Variants in RFX2 observed in about 807,000 individuals in gnomAD.
RFX2 encodes the protein regulatory factor X2.
RFX2 carries 20 observed loss-of-function variants against 87.8 expected under a neutral mutation model. The observed-to-expected ratio is 0.23, with a 90% CI of 0.16 to 0.33. RFX2 has a LOEUF of 0.33. Ranked by LOEUF, RFX2 falls within the 10% of genes least tolerant of loss-of-function variation. The pLI is 1.00. For synonymous variants in RFX2, 397 were observed against 431.3 expected, an observed-to-expected ratio of 0.92 and a Z score of 0.98; for missense variants, 767 against 1,012.3, an observed-to-expected ratio of 0.76 and a Z score of 3.29.
intron 1 of RFX2, among the ~76,000 whole-genome samples, chr19:6,092,983 C>T (rs2087962440): frequency 2.6e-5 from 4 of 151,908 alleles, no homozygotes; most frequent in South Asian, 2.1e-4. Flanking sequence ...GTCGGGGAGG[C>T]GAGGAGGTGG....
chr19:6,024,606 C>T lies in RFX2; in HGVS notation c.597+1557G>A, dbSNP rs2086861009. ...CCACACCTGTACCTAACCCATAACC[C>T]AGGTTTCTGGACCTGTCCTACATCA... On this transcript the variant is annotated intron_variant, in intron 6 of 17. Transcript: ENST00000303657. This position sits in a 1 kb window ranked among gnomAD's most constrained non-coding sequence, Gnocchi z 5.0. Among the ~76,000 whole-genome samples the T allele has an allele frequency of 6.6e-6, 1 of 152,232 alleles. No homozygotes were observed. Among genetic ancestry groups the T allele is most frequent in the Admixed American group, 6.5e-5 (1 of 15,284 alleles).
In RFX2 at chr19:6,007,761, G is replaced by A. The variant is rs189822363; in HGVS notation, c.1176C>T (p.Ile392=). The change falls in exon 11 of 18, where the codon ATC becomes ATT. Residue 392 remains isoleucine (I), a synonymous_variant. Transcript: ENST00000303657. This position sits in a 1 kb window ranked among gnomAD's most constrained non-coding sequence, Gnocchi z 8.2. ...TCCAGAAGGAGAGCCACAGCTTCTC[G>A]ATGTAGTGGAACTGGAGGTTCATCA... ...DVVMNLQFHY[I]EKLWLSFWNS... 9.0e-6 allele frequency: 14 copies of A among 1,555,104 alleles called. No individual in the cohort carries two copies. The highest frequency in any genetic ancestry group is 4.1e-5 in the African/African-American group (3 of 73,250).
intron 1 of RFX2, among the ~76,000 whole-genome samples, chr19:6,059,814 T>C (rs908576018): frequency 1.3e-5 from 2 of 151,960 alleles, no homozygotes; most frequent in African/African-American, 2.4e-5. Context: ...TGCACACACA[T>C]ACACCACCTG....
At position 6,021,335 on chromosome 19, in the gene RFX2, C is replaced by T. The variant is rs1005856861; in HGVS notation, c.597+4828G>A. Among the ~76,000 whole-genome samples the T allele has an allele frequency of 6.6e-6, 1 of 152,220 alleles. No homozygotes were observed. Among genetic ancestry groups the T allele is most frequent in the Non-Finnish European group, 1.5e-5 (1 of 68,036 alleles). ...TGCAACGGCGAATAAAAGACAAAAACCCCTGCCCCCTGGAAGCGTCCGTTC... is the reference window on the plus strand; with the variant it reads ...TGCAACGGCGAATAAAAGACAAAAATCCCTGCCCCCTGGAAGCGTCCGTTC... On this transcript the variant is annotated intron_variant, in intron 6 of 17. Coordinates refer to ENST00000303657, the MANE Select transcript of RFX2 (RefSeq NM_000635.4). The surrounding 1 kb of genome is among the most constrained non-coding windows in gnomAD (Gnocchi z 5.7).
intron 1 of RFX2, among the ~76,000 whole-genome samples, chr19:6,069,735 T>C (rs886949743): frequency 2.6e-5 from 4 of 152,132 alleles, no homozygotes; most frequent in Non-Finnish European, 5.9e-5. Context: ...AGGGGAAAAG[T>C]GTGTGCAAAA....
chr19:6,086,719 T>C (rs1408977849), intron 1 of RFX2, among the ~76,000 whole-genome samples: 2 of 152,228 alleles, frequency 1.3e-5, no homozygotes, highest in African/African-American at 4.8e-5. Flanking sequence ...CAGTAATGGA[T>C]GCATCCACGC....
At chr19:6,067,314 G>C (rs540090042) in intron 1 of RFX2, among the ~76,000 whole-genome samples, 70 of 152,344 alleles carry the variant, frequency 4.6e-4, no homozygotes, top group African/African-American at 1.7e-3. Flanking sequence ...GAAATATCAT[G>C]TACGTATGGA....
chr19:6,034,035 C>G (rs2086987312), intron 5 of RFX2, among the ~76,000 whole-genome samples: 1 of 152,086 alleles, frequency 6.6e-6, no homozygotes, highest in Non-Finnish European at 1.5e-5. Context: ...GCTGAGCAGG[C>G]TTCTGGCAGA....
Position 6,004,420 on chromosome 19 carries a change from C to A in RFX2, c.1403-122G>T. ...AATGACCACCATGAAGAACGAGCCA[C>A]ACAGGCGACGGGGAACCGAGGACAC... On this transcript the variant is annotated intron_variant, in intron 12 of 17. Transcript: ENST00000303657. This position sits in a 1 kb window ranked among gnomAD's most constrained non-coding sequence, Gnocchi z 4.8. The A allele has an allele frequency of 1.2e-6, 1 of 800,518 alleles. No homozygotes were observed. 49.6% of individuals were successfully genotyped at this position (800,518 alleles called of 1,614,324 possible). A position where few individuals can be genotyped will look rare whatever the true frequency, so the allele number is the denominator to read the frequency against.
intron 1 of RFX2, among the ~76,000 whole-genome samples, chr19:6,051,552 G>C (rs1199278890): frequency 2.0e-5 from 3 of 152,094 alleles, no homozygotes; most frequent in South Asian, 2.1e-4. Flanking sequence ...AAAGCTAATA[G>C]AGAAATCAAA....
rs771656171 is a variant in RFX2 at position 6,042,027 on chromosome 19, GC to G, written c.260+16del. The G allele has an allele frequency of 5.0e-6, 8 of 1,610,250 alleles. No homozygotes were observed. The highest frequency in any genetic ancestry group is 1.7e-4 in the Middle Eastern group (1 of 6,056). ...AGGGAGAGGGTTCCGGGTGTGGCCC[GC>G]GGGAGAAGCACGCACATGGCTCCAT... is the stretch of plus-strand genomic sequence containing the variant. On this transcript the variant is annotated intron_variant, in intron 4 of 17. Transcript: ENST00000303657.
Position 6,001,930 on chromosome 19 carries a change from C to T in RFX2, c.1744G>A (p.Asp582Asn), listed in dbSNP as rs1471631419. The T allele has an allele frequency of 6.2e-7, 1 of 1,613,006 alleles. No homozygotes were observed. Among genetic ancestry groups the T allele is most frequent in the Non-Finnish European group, 8.5e-7 (1 of 1,179,986 alleles). Residue 582 changes from aspartate (D) to asparagine (N), a missense_variant, in exon 15 of 18, where the codon GAC becomes AAC. Physicochemically the swap from Asp to Asn is conservative, Grantham distance 23. Transcript: ENST00000303657. The surrounding 1 kb of genome is among the most constrained non-coding windows in gnomAD (Gnocchi z 5.6). The stretch of plus-strand genomic sequence containing the variant: ...CTGTCCAGCCAGCTGGCCCACTGGT[C>T]CAGGGAGCTCTGCTGCTGCAGGGTC... The part of the protein sequence containing the change: ...KLTLQQQSSL[D>N]QWASWLDSVV...
At position 5,999,846 on chromosome 19, in the gene RFX2, C is replaced by T. The variant is rs1006015345; in HGVS notation, c.1859+1969G>A. ...GCGGATGATGGGTTTCTCTGTGTGG[C>T]TGTCTGGGGGAAAGATGTTCCAGGC... On this transcript the variant is annotated intron_variant, in intron 15 of 17. Coordinates refer to ENST00000303657, the MANE Select transcript of RFX2 (RefSeq NM_000635.4). The surrounding 1 kb of genome is among the most constrained non-coding windows in gnomAD (Gnocchi z 4.1). Among the ~76,000 whole-genome samples the T allele has an allele frequency of 2.6e-5, 4 of 151,922 alleles. No individual in the cohort carries two copies. The highest frequency in any genetic ancestry group is 4.8e-5 in the African/African-American group (2 of 41,336).
rs1225770569 is a variant in RFX2 at position 6,023,690 on chromosome 19, G to A, written c.597+2473C>T. Reference sequence around the variant, plus strand: ...CGAATCTTCATCGGGGAAGCGACCTGAGAAAGTCTGCCTTTCGGATGAAGT... The same window carrying A: ...CGAATCTTCATCGGGGAAGCGACCTAAGAAAGTCTGCCTTTCGGATGAAGT... On this transcript the variant is annotated intron_variant, in intron 6 of 17. Transcript: ENST00000303657. This position sits in a 1 kb window ranked among gnomAD's most constrained non-coding sequence, Gnocchi z 4.9. Among the ~76,000 whole-genome samples the A allele has an allele frequency of 6.6e-6, 1 of 152,188 alleles. No individual in the cohort carries two copies. The highest frequency in any genetic ancestry group is 2.4e-5 in the African/African-American group (1 of 41,438).
chr19:6,010,078 C>A lies in RFX2; in HGVS notation c.1015+58G>T, dbSNP rs1401376878. 3.6e-6 allele frequency: 4 copies of A among 1,110,864 alleles called. No homozygotes were observed. The highest frequency in any genetic ancestry group is 1.3e-6 in the Non-Finnish European group (1 of 759,562). 68.8% of individuals were successfully genotyped at this position (1,110,864 alleles called of 1,614,324 possible). ...ACCACTGGTTCTGCTGGTGTTGAAA[C>A]CCAGGAGTGTGGCGAGCAGATGGGA... is the stretch of plus-strand genomic sequence containing the variant. On this transcript the variant is annotated intron_variant, in intron 9 of 17. Transcript: ENST00000303657. The surrounding 1 kb of genome is among the most constrained non-coding windows in gnomAD (Gnocchi z 5.0).
chr19:6,072,111 TAATTTTG>T (rs1319276316), intron 1 of RFX2: 1 of 152,282 alleles, frequency 6.6e-6, no homozygotes, highest in East Asian at 1.9e-4. Flanking sequence ...GAGCAAAAGA[TAATTTTG>T]GATAAAAAAA....
chr19:6,081,871 A>C (rs1387101378), intron 1 of RFX2, among the ~76,000 whole-genome samples: 1 of 152,226 alleles, frequency 6.6e-6, no homozygotes, highest in Non-Finnish European at 1.5e-5. Flanking sequence ...GCAGATCATG[A>C]GGTCAGGAGA....
In RFX2 at chr19:6,083,462, A is replaced by G. The variant is rs558887435; in HGVS notation, c.-9+26931T>C. On this transcript the variant is annotated intron_variant, in intron 1 of 17. Coordinates refer to ENST00000303657, the MANE Select transcript of RFX2 (RefSeq NM_000635.4). The surrounding 1 kb of genome is among the most constrained non-coding windows in gnomAD (Gnocchi z 4.6). ...ATTTTGTCTTGTTTCCAATCATTTA[A>G]AAACGCAAAAAATATTCTCAACTCG... Among the ~76,000 whole-genome samples the G allele has an allele frequency of 6.6e-6, 1 of 152,262 alleles. No individual in the cohort carries two copies. The highest frequency in any genetic ancestry group is 1.9e-4 in the East Asian group (1 of 5,180).
At position 5,995,694 on chromosome 19, in the gene RFX2, T is replaced by A. The variant is rs1454947643; in HGVS notation, c.2014-51A>T. 3 of 1,515,904 alleles carry A rather than the reference T, an allele frequency of 2.0e-6. No homozygotes were observed. The African/African-American group carries it at 4.2e-5, about 21-fold the overall frequency. The allele number at this position is 1,515,904 out of a possible 1,614,324, so 93.9% of individuals were successfully genotyped here. A position where few individuals can be genotyped will look rare whatever the true frequency, so the allele number is the denominator to read the frequency against. On this transcript the variant is annotated intron_variant, in intron 16 of 17. Transcript: ENST00000303657. The stretch of plus-strand genomic sequence containing the variant: ...GCGCCTGCAGAGGGGCGGCAGTTGC[T>A]GTTTGGGGGCTCGGGGGATGCCGGC...
Sources: gnomAD v4.1 joint callset for allele counts (sites outside exome capture counted in the v4.1 genomes callset) on GRCh38, gnomAD v4.1.1 for gene constraint, Gnocchi (gnomAD v3.1) non-coding constraint, MANE v1.5 for transcripts, NCBI Gene and HGNC (gene_info 2026-07-23, HGNC 2026-07-21) for gene names.